The following NEGR1 variants were observed in gnomAD, a reference collection of about 807,000 sequenced individuals.
NEGR1 encodes neuronal growth regulator 1.
NEGR1 carries 10 observed loss-of-function variants against 40.9 expected under a neutral mutation model. The ratio of observed to expected loss-of-function variants is 0.24; its 90% confidence interval spans 0.15 to 0.42. The LOEUF (loss-of-function observed/expected upper bound fraction) is 0.42. Ranked by LOEUF, NEGR1 falls within the 10% of genes least tolerant of loss-of-function variation. The pLI, the probability that NEGR1 is intolerant of heterozygous loss-of-function variation, is 1.00. For missense variants in NEGR1, 352 were observed against 438.9 expected (o/e 0.80, Z 1.77); for synonymous variants, 185 against 166.8 (o/e 1.11, Z -0.84).
chr1:72,260,035 A>G (rs1403684269), intron 1 of NEGR1, among the ~76,000 whole-genome samples: 1 of 152,098 alleles, frequency 6.6e-6, no homozygotes, highest in Non-Finnish European at 1.5e-5. Flanking sequence ...ATCATTTACT[A>G]TGTACTGTGC....
intron 2 of NEGR1, among the ~76,000 whole-genome samples, chr1:71,853,833 C>T (rs1659683775): frequency 1.3e-5 from 2 of 152,084 alleles, no homozygotes; most frequent in East Asian, 1.9e-4. Context: ...ATTTATAAAG[C>T]GGTTCTCACT....
At chr1:71,434,807 G>A (rs1646495356) in intron 6 of NEGR1, among the ~76,000 whole-genome samples, 2 of 152,146 alleles carry the variant, frequency 1.3e-5, no homozygotes. Flanking sequence ...AAAACAAGGG[G>A]GAGGCCGGGC....
intron 4 of NEGR1, among the ~76,000 whole-genome samples, chr1:71,622,986 TA>T (rs1415211268): frequency 2.0e-5 from 3 of 151,892 alleles, no homozygotes; most frequent in Non-Finnish European, 4.4e-5. Flanking sequence ...TCAAAAATCT[TA>T]AAAAAGAACA....
At chr1:71,484,655 G>A (rs1646875490) in intron 6 of NEGR1, 1 of 151,666 alleles carries the variant, frequency 6.6e-6, no homozygotes, top group Non-Finnish European at 1.5e-5. Context: ...TCGCAATGTA[G>A]GTTTTCCTTT....
intron 1 of NEGR1, among the ~76,000 whole-genome samples, chr1:72,038,141 A>T (rs1209210054): frequency 2.0e-5 from 3 of 152,116 alleles, no homozygotes; most frequent in Non-Finnish European, 4.4e-5. Flanking sequence ...GTTAGCCACT[A>T]CGTTATAGTG....
At chr1:72,011,004 A>G (rs1646652525) in intron 1 of NEGR1, among the ~76,000 whole-genome samples, 1 of 152,190 alleles carries the variant, frequency 6.6e-6, no homozygotes, top group Non-Finnish European at 1.5e-5. Flanking sequence ...TGATGCCATA[A>G]GAATAACTGA....
chr1:72,140,335 A>G (rs1269281875), intron 1 of NEGR1, among the ~76,000 whole-genome samples: 4 of 151,992 alleles, frequency 2.6e-5, no homozygotes, highest in African/African-American at 9.7e-5. Context: ...TTTACAATGA[A>G]AATAAATTTA....
intron 2 of NEGR1, among the ~76,000 whole-genome samples, chr1:71,859,654 A>C (rs1338648407): frequency 6.6e-6 from 1 of 151,794 alleles, no homozygotes; most frequent in Non-Finnish European, 1.5e-5. Flanking sequence ...TGCAGATTGA[A>C]TTTGCTGCCC....
At chr1:71,792,145 C>T (rs1322423672) in intron 2 of NEGR1, among the ~76,000 whole-genome samples, 1 of 151,956 alleles carries the variant, frequency 6.6e-6, no homozygotes, top group Non-Finnish European at 1.5e-5. Flanking sequence ...GTTTCACAGG[C>T]CCAAATAAGT....
chr1:71,836,384 G>A (rs1415470786), intron 2 of NEGR1, among the ~76,000 whole-genome samples: 1 of 150,196 alleles, frequency 6.7e-6, no homozygotes, highest in South Asian at 2.1e-4. Flanking sequence ...AGCCGAGATC[G>A]CATCATTGCA....
At chr1:71,788,992 A>G (rs1010516056) in intron 2 of NEGR1, among the ~76,000 whole-genome samples, 1 of 152,170 alleles carries the variant, frequency 6.6e-6, no homozygotes, top group African/African-American at 2.4e-5. Flanking sequence ...TATACATAAA[A>G]TATGTATACC....
rs561193595 is a variant in NEGR1, at chr1:71,624,618, A to G, written c.668-13472T>C. Among the ~76,000 whole-genome samples, 20 of 152,056 alleles carry G rather than the reference A, an allele frequency of 1.3e-4. No individual in the cohort carries two copies. In the South Asian group the frequency reaches 3.5e-3, roughly 27 times the overall value. On this transcript the variant is annotated intron_variant, in intron 4 of 6. Coordinates refer to ENST00000357731, the MANE Select transcript of NEGR1 (RefSeq NM_173808.3). ...GACTATTTCAAATTGGTGGAACACA[A>G]ACCAAGAGCATCCCTACTTCAGAGT...
chr1:71,615,237 T>C (rs752433640), intron 4 of NEGR1, among the ~76,000 whole-genome samples: 1 of 152,184 alleles, frequency 6.6e-6, no homozygotes, highest in Non-Finnish European at 1.5e-5. Flanking sequence ...ATTTATTTAT[T>C]CTTTATTCCT....
intron 1 of NEGR1, among the ~76,000 whole-genome samples, chr1:72,163,912 G>T (rs1324425613): frequency 1.3e-5 from 2 of 151,838 alleles, no homozygotes; most frequent in African/African-American, 4.8e-5. Context: ...GTATTTTATT[G>T]TAAGTAAAAT....
At chr1:71,905,450 A>G (rs910847808) in intron 2 of NEGR1, among the ~76,000 whole-genome samples, 1 of 151,956 alleles carries the variant, frequency 6.6e-6, no homozygotes, top group Non-Finnish European at 1.5e-5. Context: ...TTCTATTCAC[A>G]TCAAGAAAAT....
intron 1 of NEGR1, among the ~76,000 whole-genome samples, chr1:71,967,828 C>T (rs1646222781): frequency 6.6e-6 from 1 of 152,100 alleles, no homozygotes; most frequent in African/African-American, 2.4e-5. Flanking sequence ...TTCTGAAAGC[C>T]ACATGACTGG....
chr1:71,967,888 T>C (rs904816020), intron 1 of NEGR1, among the ~76,000 whole-genome samples: 1 of 152,190 alleles, frequency 6.6e-6, no homozygotes, highest in African/African-American at 2.4e-5. Flanking sequence ...TGCAGTATTC[T>C]CTATATGACA....
At chr1:71,947,746 TACAG>T (rs1027003100) in intron 1 of NEGR1, among the ~76,000 whole-genome samples, 25 of 151,068 alleles carry the variant, frequency 1.7e-4, no homozygotes, top group Non-Finnish European at 2.1e-4. Flanking sequence ...CCAGTCAAAA[TACAG>T]ACATTCTCCA....
rs571362835 is a variant in NEGR1, at chr1:71,964,218, G to A, written c.177-28907C>T. ...ACAGATGCTTCTGCGTTATGGCCTT[G>A]ACACCCCCATCGAAAGGCAGAGTTT... On this transcript the variant is annotated intron_variant, in intron 1 of 6. Transcript: ENST00000357731. Among the ~76,000 whole-genome samples, 23 of 152,124 alleles carry A rather than the reference G, an allele frequency of 1.5e-4. 1 individual carries two copies. The highest frequency in any genetic ancestry group is 5.5e-4 in the African/African-American group (23 of 41,488).
Sources: allele counts gnomAD v4.1 joint callset (sites outside exome capture counted in the v4.1 genomes callset), GRCh38; gene constraint gnomAD v4.1.1; transcripts MANE v1.5; gene names NCBI Gene and HGNC (gene_info 2026-07-23, HGNC 2026-07-21).